Variants in SHANK2 observed in about 807,000 individuals in gnomAD.
The protein encoded by SHANK2 is SH3 and multiple ankyrin repeat domains 2.
SHANK2 carries 43 observed loss-of-function variants against 133.7 expected under a neutral mutation model. The ratio of observed to expected loss-of-function variants is 0.32; its 90% CI spans 0.25 to 0.41. The LOEUF (loss-of-function observed/expected upper bound fraction) is 0.41, where lower values mean the gene tolerates loss of function less well. Among genes scored for constraint, SHANK2 ranks in the 10% least tolerant of loss-of-function variants. The pLI is 1.00. For synonymous variants in SHANK2, 1,017 were observed against 952.8 expected, an observed-to-expected ratio of 1.07 and a Z score of -1.24; for missense variants, 1,994 against 2,235.8, an observed-to-expected ratio of 0.89 and a Z score of 2.18.
intron 17 of SHANK2, among the ~76,000 whole-genome samples, chr11:70,557,588 CAGCACCGCGGGGCCAGGGCAAG>C (rs749536633): frequency 6.6e-6 from 1 of 152,180 alleles, no homozygotes; most frequent in Non-Finnish European, 1.5e-5. Flanking sequence ...AGCAGGCTGG[CAGCACCGCGGGGCCAGGGCAAG>C]AGCTGACAGT....
At chr11:71,088,823 T>A (rs1378567228) in intron 8 of SHANK2, among the ~76,000 whole-genome samples, 2 of 149,274 alleles carry the variant, frequency 1.3e-5, no homozygotes, top group Non-Finnish European at 3.0e-5. Context: ...CCCCTCGTCC[T>A]GAACTTGACC....
intron 17 of SHANK2, among the ~76,000 whole-genome samples, chr11:70,599,887 G>A (rs202153107): frequency 0.018 from 739 of 41,110 alleles, 42 homozygotes; most frequent in East Asian, 0.049. Context: ...AAGAAAGAAA[G>A]AAAAAGAAAG....
intron 10 of SHANK2, among the ~76,000 whole-genome samples, chr11:70,901,760 C>T (rs540731237): frequency 5.9e-5 from 9 of 152,248 alleles, no homozygotes; most frequent in African/African-American, 1.2e-4. Flanking sequence ...TTGGAGTACC[C>T]GGAGAAGGAG....
At chr11:70,743,620 AG>A (rs1555035257) in intron 14 of SHANK2, among the ~76,000 whole-genome samples, 2 of 152,188 alleles carry the variant, frequency 1.3e-5, no homozygotes. Flanking sequence ...ATAAGCACAC[AG>A]CTACAGAAAA....
At chr11:71,247,730 G>A (rs1325733434) in intron 1 of SHANK2, among the ~76,000 whole-genome samples, 1 of 152,188 alleles carries the variant, frequency 6.6e-6, no homozygotes, top group Non-Finnish European at 1.5e-5. Context: ...GGAGCCAGGA[G>A]CCCTTCTGCA....
At chr11:70,726,997 C>A (rs1176018961) in intron 14 of SHANK2, among the ~76,000 whole-genome samples, 2 of 152,246 alleles carry the variant, frequency 1.3e-5, no homozygotes. Flanking sequence ...TACCTGGGAA[C>A]AGAAGACCCT....
chr11:70,887,937 G>A (rs782133003), intron 11 of SHANK2, among the ~76,000 whole-genome samples: 4 of 152,140 alleles, frequency 2.6e-5, no homozygotes, highest in Non-Finnish European at 5.9e-5. Context: ...TGACGCCAAA[G>A]CATGAGCCAA....
intron 14 of SHANK2, among the ~76,000 whole-genome samples, chr11:70,748,872 T>C (rs965009007): frequency 5.3e-5 from 8 of 152,184 alleles, no homozygotes; most frequent in African/African-American, 1.9e-4. Flanking sequence ...GAAAAGCTCT[T>C]GGAAAAGTTC....
At chr11:71,164,489 T>C (rs1465884188) in intron 2 of SHANK2, among the ~76,000 whole-genome samples, 12 of 152,210 alleles carry the variant, frequency 7.9e-5, no homozygotes, top group Non-Finnish European at 1.5e-4. Context: ...GACCGCAGGG[T>C]GACCCACCTA....
intron 11 of SHANK2, chr11:70,862,832 G>T (rs1180401686): frequency 2.2e-5 from 6 of 274,922 alleles, no homozygotes; most frequent in Admixed American, 1.0e-4. Context: ...AGTCAACTGG[G>T]CAGCAGGACA....
At chr11:70,564,744 T>G (rs1434767310) in intron 17 of SHANK2, among the ~76,000 whole-genome samples, 1 of 152,232 alleles carries the variant, frequency 6.6e-6, no homozygotes, top group African/African-American at 2.4e-5. Context: ...GAGTTCACTA[T>G]TACTTTATAA....
intron 12 of SHANK2, among the ~76,000 whole-genome samples, chr11:70,814,387 C>G (rs1031400436): frequency 1.3e-5 from 2 of 151,954 alleles, no homozygotes; most frequent in Admixed American, 1.3e-4. Flanking sequence ...CTCACCCCTA[C>G]TCTGCCAGCA....
intron 14 of SHANK2, among the ~76,000 whole-genome samples, chr11:70,742,589 C>G (rs1051994919): frequency 9.2e-5 from 14 of 152,206 alleles, no homozygotes; most frequent in Non-Finnish European, 1.3e-4. Flanking sequence ...ACGCCACCCC[C>G]CACCCGGCTC....
At position 70,473,207 on chromosome 11, in the gene SHANK2, A is replaced by G. The variant is rs960215116; in HGVS notation, c.5212T>C (p.Ser1738Pro). The G allele has an allele frequency of 5.0e-6, 8 of 1,611,396 alleles. No individual in the cohort carries two copies. Among genetic ancestry groups the G allele is most frequent in the Non-Finnish European group, 5.1e-6 (6 of 1,177,688 alleles). Residue 1738 changes from serine to proline, a missense_variant, in exon 26 of 26, where the codon TCA (serine) becomes CCA (proline). By Grantham distance (74) the Ser-to-Pro change is moderately conservative. Around this residue, in one of 5 missense-constraint regions of SHANK2, gnomAD observed 797 missense variants for 907.4 expected, o/e 0.88. Coordinates refer to ENST00000601538, the MANE Select transcript of SHANK2 (RefSeq NM_012309.5). The surrounding 1 kb of genome is among the most constrained non-coding windows in gnomAD (Gnocchi z 5.9). ...AATASPSPALSDVFSLPSQPP... is the reference protein window; with the variant it reads ...AATASPSPALPDVFSLPSQPP... ...TGGCTTGGAAGGCTAAAGACATCTG[A>G]GAGAGCGGGAGAAGGAGAGGCGGTG...
At chr11:71,218,791 G>A (rs1565522363) in intron 2 of SHANK2, among the ~76,000 whole-genome samples, 1 of 152,208 alleles carries the variant, frequency 6.6e-6, no homozygotes, top group African/African-American at 2.4e-5. Context: ...ACAGCACTGG[G>A]CGTAACTAAC....
chr11:71,224,594 T>G (rs558044074), intron 2 of SHANK2, 103 bp downstream of exon 2: 1 of 152,316 alleles, frequency 6.6e-6, no homozygotes, highest in African/African-American at 2.4e-5. Context: ...AACAAGAAAC[T>G]TAAAGTCCCT....
intron 11 of SHANK2, among the ~76,000 whole-genome samples, chr11:70,826,995 A>C (rs1444249697): frequency 2.6e-5 from 4 of 152,212 alleles, no homozygotes; most frequent in African/African-American, 9.6e-5. Flanking sequence ...TTTTTTTAAA[A>C]AAAAATTTTT....
At chr11:71,060,443 C>T (rs1313333455) in intron 9 of SHANK2, among the ~76,000 whole-genome samples, 1 of 152,244 alleles carries the variant, frequency 6.6e-6, no homozygotes, top group Non-Finnish European at 1.5e-5. Flanking sequence ...GCCCCTGGCC[C>T]CAGCCGGTCA....
chr11:70,613,252 G>A (rs1361501640), intron 17 of SHANK2, among the ~76,000 whole-genome samples: 6 of 151,926 alleles, frequency 3.9e-5, no homozygotes, highest in African/African-American at 1.5e-4. Context: ...CGCCCAGGCT[G>A]GAGTACAGTG....
Sources: gnomAD v4.1 joint callset for allele counts (sites outside exome capture counted in the v4.1 genomes callset) on GRCh38, gnomAD v4.1.1 for gene constraint, gnomAD v4.1.1 regional missense constraint, Gnocchi (gnomAD v3.1) non-coding constraint, MANE v1.5 for transcripts, NCBI Gene and HGNC (gene_info 2026-07-23, HGNC 2026-07-21) for gene names.